Variants in PPP3CA observed in about 807,000 individuals in gnomAD.
The protein encoded by PPP3CA is protein phosphatase 3 catalytic subunit alpha.
PPP3CA carries 14 observed loss-of-function variants against 66.5 expected under a neutral mutation model. The observed-to-expected ratio is 0.21, with a 90% confidence interval of 0.14 to 0.33. PPP3CA has a LOEUF of 0.33. Ranked by LOEUF, PPP3CA falls within the 10% of genes least tolerant of loss-of-function variation. PPP3CA has a pLI of 1.00. For synonymous variants in PPP3CA, 232 were observed against 226.2 expected (o/e 1.03, Z -0.23); for missense variants, 317 against 639.5 (o/e 0.50, Z 5.44).
At chr4:101,344,056 C>CT (rs1379981982) in intron 1 of PPP3CA, among the ~76,000 whole-genome samples, 1 of 151,922 alleles carries the variant, frequency 6.6e-6, no homozygotes, top group African/African-American at 2.4e-5. Context: ...AAAGAGAAAA[C>CT]TTATGGAGCA....
intron 10 of PPP3CA, among the ~76,000 whole-genome samples, chr4:101,051,321 A>G (rs540187331): frequency 6.6e-6 from 1 of 152,246 alleles, no homozygotes; most frequent in East Asian, 1.9e-4. Context: ...GCCATAAGAG[A>G]TAAGTTACTC....
chr4:101,124,876 CATTGAT>C (rs1428673610), intron 2 of PPP3CA, among the ~76,000 whole-genome samples: 1 of 152,146 alleles, frequency 6.6e-6, no homozygotes, highest in East Asian at 1.9e-4. Context: ...AGCTCTTTCA[CATTGAT>C]ATTCATTATT....
intron 1 of PPP3CA, among the ~76,000 whole-genome samples, chr4:101,219,848 A>G (rs1246317409): frequency 6.6e-6 from 1 of 151,822 alleles, no homozygotes; most frequent in East Asian, 1.9e-4. Flanking sequence ...AGATTTCTAA[A>G]TTTCCTTCAA....
At chr4:101,156,045 G>A (rs1192875244) in intron 2 of PPP3CA, among the ~76,000 whole-genome samples, 1 of 152,192 alleles carries the variant, frequency 6.6e-6, no homozygotes, top group African/African-American at 2.4e-5. Context: ...GCTAGTAAAA[G>A]TCAGAGTGGG....
intron 2 of PPP3CA, among the ~76,000 whole-genome samples, chr4:101,149,282 A>G (rs1049730934): frequency 3.3e-5 from 5 of 152,184 alleles, no homozygotes; most frequent in African/African-American, 9.6e-5. Context: ...TTGCCTTCAC[A>G]TGCTTTATCA....
chr4:101,327,596 T>C (rs1729246784), intron 1 of PPP3CA, among the ~76,000 whole-genome samples: 1 of 152,242 alleles, frequency 6.6e-6, no homozygotes, highest in Non-Finnish European at 1.5e-5. Context: ...CTGGTTATTT[T>C]ACTTTGATAT....
intron 6 of PPP3CA, among the ~76,000 whole-genome samples, chr4:101,090,597 G>T (rs111381422): frequency 7.3e-6 from 1 of 137,044 alleles, no homozygotes; most frequent in Non-Finnish European, 1.5e-5. Flanking sequence ...AGCCGAGATC[G>T]CACCACTGCA....
At chr4:101,267,370 C>T (rs1727200338) in intron 1 of PPP3CA, among the ~76,000 whole-genome samples, 1 of 152,068 alleles carries the variant, frequency 6.6e-6, no homozygotes, top group Admixed American at 6.6e-5. Context: ...ACCAATATTT[C>T]TCAGGGCCTA....
intron 11 of PPP3CA, among the ~76,000 whole-genome samples, chr4:101,037,187 A>C (rs1467309031): frequency 6.6e-6 from 1 of 152,054 alleles, no homozygotes; most frequent in Non-Finnish European, 1.5e-5. Flanking sequence ...TAGCTCCCAA[A>C]ATGCTGAGGT....
At chr4:101,171,196 G>T (rs1481451493) in intron 2 of PPP3CA, 3 of 455,816 alleles carry the variant, frequency 6.6e-6, no homozygotes, top group African/African-American at 2.0e-5. Flanking sequence ...TTTTTACCTT[G>T]GTGTGTGAAT....
At chr4:101,235,426 T>C (rs10009468) in intron 1 of PPP3CA, among the ~76,000 whole-genome samples, 100,680 of 149,460 alleles carry the variant, frequency 0.67, 34,351 homozygotes, top group Middle Eastern at 0.77. Flanking sequence ...AACCTAAACA[T>C]ACACTCACAC....
chr4:101,138,915 A>G (rs1722708411), intron 2 of PPP3CA, among the ~76,000 whole-genome samples: 1 of 152,266 alleles, frequency 6.6e-6, no homozygotes, highest in Non-Finnish European at 1.5e-5. Flanking sequence ...AATTGAAGTG[A>G]TATAAATAAT....
intron 2 of PPP3CA, among the ~76,000 whole-genome samples, chr4:101,124,663 CAGAAAGAAAGAA>C (rs1227730298): frequency 0.018 from 1,016 of 55,154 alleles, 51 homozygotes; most frequent in Middle Eastern, 0.041. Context: ...GAGAGAGAGA[CAGAAAGAAAGAA>C]AGAAAGAAAG....
intron 11 of PPP3CA, among the ~76,000 whole-genome samples, chr4:101,039,502 G>C (rs1727408721): frequency 6.9e-6 from 1 of 144,362 alleles, no homozygotes; most frequent in Admixed American, 6.9e-5. Context: ...CCTATTTTCC[G>C]CTTGAACATG....
intron 8 of PPP3CA, among the ~76,000 whole-genome samples, chr4:101,074,528 G>A (rs981778133): frequency 6.6e-6 from 1 of 152,116 alleles, no homozygotes; most frequent in East Asian, 1.9e-4. Flanking sequence ...AGCTGGCATC[G>A]GATATGTTAC....
At chr4:101,091,888 G>A (rs28692933) in intron 6 of PPP3CA, among the ~76,000 whole-genome samples, 27,376 of 149,122 alleles carry the variant, frequency 0.18, 3,232 homozygotes, top group African/African-American at 0.32. Flanking sequence ...AGGAGGAGGA[G>A]GAAGGAGGAG....
intron 2 of PPP3CA, among the ~76,000 whole-genome samples, chr4:101,139,530 T>C (rs1000439566): frequency 2.6e-5 from 4 of 152,070 alleles, no homozygotes; most frequent in Non-Finnish European, 5.9e-5. Context: ...ATCTGTACAT[T>C]GTGGGAGCTC....
At chr4:101,341,504 G>A (rs944084083) in intron 1 of PPP3CA, among the ~76,000 whole-genome samples, 8 of 152,108 alleles carry the variant, frequency 5.3e-5, no homozygotes, top group Non-Finnish European at 4.4e-5. Context: ...ACTATTCTCA[G>A]GTGACCAGAA....
intron 1 of PPP3CA, among the ~76,000 whole-genome samples, chr4:101,319,768 GA>G (rs1222625502): frequency 3.3e-5 from 5 of 152,042 alleles, no homozygotes; most frequent in Non-Finnish European, 7.4e-5. Context: ...ATATCCAAGG[GA>G]TAAACTTATA....
Sources: allele counts gnomAD v4.1 joint callset (sites outside exome capture counted in the v4.1 genomes callset), GRCh38; gene constraint gnomAD v4.1.1; transcripts MANE v1.5; gene names NCBI Gene and HGNC (gene_info 2026-07-23, HGNC 2026-07-21).